ABHD2: variants seen among roughly 807,000 people sequenced by gnomAD.
The protein encoded by ABHD2 is abhydrolase domain containing 2, acylglycerol lipase.
A neutral mutation model predicts 48.1 loss-of-function variants in ABHD2; 20 were observed. The ratio of observed to expected loss-of-function variants is 0.42; its 90% CI spans 0.29 to 0.60. The LOEUF (loss-of-function observed/expected upper bound fraction) is 0.60. Ranked by LOEUF, ABHD2 falls within the 20% of genes least tolerant of loss-of-function variation. ABHD2 has a pLI of 0.24. For missense variants in ABHD2, 405 were observed against 550.9 expected (o/e 0.74, Z 2.65); for synonymous variants, 209 against 214.2 (o/e 0.98, Z 0.21).
At chr15:89,178,230 T>C (rs2283438) in intron 6 of ABHD2, among the ~76,000 whole-genome samples, 100,193 of 152,158 alleles carry the variant, frequency 0.66, 33,905 homozygotes, top group East Asian at 0.82. Flanking sequence ...AGAGAGACAC[T>C]GTTGTCCTTG....
chr15:89,183,198 T>A (rs889788735), intron 6 of ABHD2: 21 of 151,248 alleles, frequency 1.4e-4, no homozygotes, highest in African/African-American at 4.4e-4. Context: ...GGAAGTGCTG[T>A]TTGTTTGTTT....
At position 89,191,206 on chromosome 15, in the gene ABHD2, T is replaced by C. The variant is rs547964996; in HGVS notation, c.996+57T>C. 564 of 1,538,840 alleles carry C rather than the reference T, an allele frequency of 3.7e-4. 1 individual carries two copies. The highest frequency in any genetic ancestry group is 4.7e-4 in the Non-Finnish European group (531 of 1,119,898). ...TCACTCCACCCAGCCTCGCACACAATACGACAGATACCTCTCCTGAATTTT... is the reference window on the plus strand; with the variant it reads ...TCACTCCACCCAGCCTCGCACACAACACGACAGATACCTCTCCTGAATTTT... On this transcript the variant is annotated intron_variant, in intron 9 of 10. Transcript: ENST00000352732.
At chr15:89,170,459 T>G (rs1001438769) in intron 5 of ABHD2, among the ~76,000 whole-genome samples, 1 of 148,310 alleles carries the variant, frequency 6.7e-6, no homozygotes, top group African/African-American at 2.5e-5. Context: ...TGATGGAAAT[T>G]TAGGTTGTTT....
rs1238537843 is a variant in ABHD2, at chr15:89,186,645, C to CT, written c.815+1130dup. On this transcript the variant is annotated intron_variant, in intron 7 of 10. Transcript: ENST00000352732. The surrounding 1 kb of genome is among the most constrained non-coding windows in gnomAD (Gnocchi z 4.3). The stretch of plus-strand genomic sequence containing the variant: ...TGCTTCCCCTCTGTAAATCCTACGT[C>CT]TAGAACCAAACTGGAGAGCGTTGGA... Among the ~76,000 whole-genome samples, 10 of 152,174 alleles carry CT rather than the reference C, an allele frequency of 6.6e-5. No individual in the cohort carries two copies. The highest frequency in any genetic ancestry group is 1.3e-4 in the Admixed American group (2 of 15,278).
intron 3 of ABHD2, among the ~76,000 whole-genome samples, chr15:89,130,884 C>T (rs566455534): frequency 1.3e-5 from 2 of 152,186 alleles, no homozygotes; most frequent in Non-Finnish European, 2.9e-5. Context: ...AAGCAAGGCT[C>T]GTGCCCATGC....
At chr15:89,077,304 A>T in the ABHD2 span, among the ~76,000 whole-genome samples, 1 of 152,250 alleles carries the variant, frequency 6.6e-6, no homozygotes, top group Non-Finnish European at 1.5e-5. Flanking sequence ...TGGCATGCTT[A>T]TCGTAATGAT....
the ABHD2 span, among the ~76,000 whole-genome samples, chr15:89,057,068 C>G: frequency 1.3e-5 from 2 of 152,024 alleles, no homozygotes. Context: ...CACACGCCAC[C>G]ACGCCCGGCT....
At chr15:89,132,524 T>A (rs1049669040) in intron 3 of ABHD2, among the ~76,000 whole-genome samples, 1 of 152,228 alleles carries the variant, frequency 6.6e-6, no homozygotes, top group Non-Finnish European at 1.5e-5. Context: ...CAGATAGATA[T>A]AGATGAAAAG....
At chr15:89,183,376 AAAAAAAAAATATATATAT>A (rs2051145886) in intron 6 of ABHD2, 1 of 75,872 alleles carries the variant, frequency 1.3e-5, no homozygotes, top group African/African-American at 4.7e-5. Flanking sequence ...TTCAAAAAAA[AAAAAAAAAATATATATAT>A]ATATATATAT....
chr15:89,127,623 C>A (rs1208860745), intron 3 of ABHD2, among the ~76,000 whole-genome samples: 1 of 150,616 alleles, frequency 6.6e-6, no homozygotes, highest in African/African-American at 2.5e-5. Flanking sequence ...AATGTTGACA[C>A]CTGCCAAGCC....
intron 3 of ABHD2, among the ~76,000 whole-genome samples, chr15:89,145,603 CT>C (rs2050478135): frequency 6.6e-6 from 1 of 152,180 alleles, no homozygotes; most frequent in Admixed American, 6.5e-5. Context: ...CGTCTGTCCC[CT>C]TCTGGCTGCC....
chr15:89,162,042 A>C (rs1178539883), intron 5 of ABHD2, among the ~76,000 whole-genome samples: 1 of 152,184 alleles, frequency 6.6e-6, no homozygotes, highest in Non-Finnish European at 1.5e-5. Flanking sequence ...AAAGGACACC[A>C]GTCATCCTGA....
In ABHD2 at chr15:89,175,962, G is replaced by A; in HGVS notation, c.689G>A (p.Cys230Tyr). Reference sequence around the variant, plus strand: ...GCAAACCAAGAGAAGGTCCTGTGCTGCGTCAGCGTGTGCCAGGGGTACAGT... The same window carrying A: ...GCAAACCAAGAGAAGGTCCTGTGCTACGTCAGCGTGTGCCAGGGGTACAGT... The part of the protein sequence containing the change: ...TQANQEKVLC[C>Y]VSVCQGYSAL... Residue 230 changes from cysteine to tyrosine, a missense_variant, in exon 6 of 11, where the codon TGC (cysteine) becomes TAC (tyrosine). By Grantham distance (194) the Cys-to-Tyr change is radical (BLOSUM62 -2). Coordinates refer to ENST00000352732, the MANE Select transcript of ABHD2 (RefSeq NM_152924.5). The surrounding 1 kb of genome is among the most constrained non-coding windows in gnomAD (Gnocchi z 5.7). 1 of 1,612,600 alleles carries A rather than the reference G, an allele frequency of 6.2e-7. No homozygotes were observed. The highest frequency in any genetic ancestry group is 8.5e-7 in the Non-Finnish European group (1 of 1,179,136).
At chr15:89,089,187 C>A (rs977747421) in intron 1 of ABHD2, among the ~76,000 whole-genome samples, 1 of 152,250 alleles carries the variant, frequency 6.6e-6, no homozygotes, top group African/African-American at 2.4e-5. Context: ...GCTAGCGCCT[C>A]GACCTTGGCG....
chr15:89,155,612 T>C lies in ABHD2; in HGVS notation c.538+78T>C. 12 of 1,532,780 alleles carry C rather than the reference T, an allele frequency of 7.8e-6. No individual in the cohort carries two copies. The highest frequency in any genetic ancestry group is 1.1e-5 in the Non-Finnish European group (12 of 1,136,124). The allele number at this position is 1,532,780 out of a possible 1,614,324, so 94.9% of individuals were successfully genotyped here. ...CTGCTTCTGCCTTGTTTTTTCTTTT[T>C]TTAAGTTTTAAACCTATGCCCATCT... On this transcript the variant is annotated intron_variant, in intron 5 of 10. Transcript: ENST00000352732. The surrounding 1 kb of genome is among the most constrained non-coding windows in gnomAD (Gnocchi z 4.9).
Position 89,173,688 on chromosome 15 carries a change from T to C in ABHD2, c.539-2124T>C, listed in dbSNP as rs2050965134. On this transcript the variant is annotated intron_variant, in intron 5 of 10. Transcript: ENST00000352732. This position sits in a 1 kb window ranked among gnomAD's most constrained non-coding sequence, Gnocchi z 6.5. The stretch of plus-strand genomic sequence containing the variant: ...GGATCCTTCTGGACCAGGTTTTTGT[T>C]CCTTCCCTGTCCTCAGGGCCCATTC... 6.6e-6 allele frequency among the ~76,000 whole-genome samples: 1 copy of C among 152,206 alleles called. No homozygotes were observed. The highest frequency in any genetic ancestry group is 1.5e-5 in the Non-Finnish European group (1 of 68,030).
intron 3 of ABHD2, among the ~76,000 whole-genome samples, chr15:89,119,033 A>C (rs192984642): frequency 2.0e-4 from 31 of 152,226 alleles, no homozygotes; most frequent in African/African-American, 5.1e-4. Flanking sequence ...GGGCATCAGC[A>C]TGGAGCCCCC....
In ABHD2 at chr15:89,164,474, TGAGA is replaced by T. The variant is rs150079150; in HGVS notation, c.538+8941_538+8944del. 0.38 allele frequency among the ~76,000 whole-genome samples: 57,927 copies of T among 151,674 alleles called. 11,680 individuals carry two copies. Among genetic ancestry groups the T allele is most frequent in the East Asian group, 0.77 (3,956 of 5,108 alleles). On this transcript the variant is annotated intron_variant, in intron 5 of 10. Coordinates refer to ENST00000352732, the MANE Select transcript of ABHD2 (RefSeq NM_152924.5). The surrounding 1 kb of genome is among the most constrained non-coding windows in gnomAD (Gnocchi z 5.0). ...GGTTTGACTGCCTGGTCGAGAAAGCTGAGAAAGACTGTTAAGAAATTTGGCAATA... is the reference window on the plus strand; with the variant it reads ...GGTTTGACTGCCTGGTCGAGAAAGCTAAGACTGTTAAGAAATTTGGCAATA...
rs183195206 is a variant in ABHD2 at position 89,114,650 on chromosome 15, T to A, written c.-7+826T>A. ...GGCATGTGCCACCACGCCCGGCAAA[T>A]TTTTGTATTTTTGGTAGAGACAGGA... is the stretch of plus-strand genomic sequence containing the variant. On this transcript the variant is annotated intron_variant, in intron 2 of 10. Transcript: ENST00000352732. The surrounding 1 kb of genome is among the most constrained non-coding windows in gnomAD (Gnocchi z 4.2). 6.6e-6 allele frequency among the ~76,000 whole-genome samples: 1 copy of A among 152,030 alleles called. No homozygotes were observed. Among genetic ancestry groups the A allele is most frequent in the Non-Finnish European group, 1.5e-5 (1 of 67,990 alleles).
Sources: gnomAD v4.1 joint callset for allele counts (sites outside exome capture counted in the v4.1 genomes callset) on GRCh38, gnomAD v4.1.1 for gene constraint, Gnocchi (gnomAD v3.1) non-coding constraint, MANE v1.5 for transcripts, NCBI Gene and HGNC (gene_info 2026-07-23, HGNC 2026-07-21) for gene names.